NWD2: variants seen among roughly 807,000 people sequenced by gnomAD.
NWD2 encodes NACHT and WD repeat domain-containing protein 2.
NWD2 carries 37 observed loss-of-function variants against 132.7 expected under a neutral mutation model. The ratio of observed to expected loss-of-function variants is 0.28; its 90% confidence interval spans 0.21 to 0.37. NWD2 has a LOEUF of 0.37. Among genes scored for constraint, NWD2 ranks in the 10% least tolerant of loss-of-function variants. The pLI is 1.00. For synonymous variants in NWD2, 705 were observed against 803.0 expected (o/e 0.88, Z 2.06); for missense variants, 1,592 against 2,122.4 (o/e 0.75, Z 4.91).
chr4:37,333,774 C>G (rs1348565224), intron 2 of NWD2, among the ~76,000 whole-genome samples: 1 of 152,016 alleles, frequency 6.6e-6, no homozygotes, highest in Non-Finnish European at 1.5e-5. Context: ...AACTTTCAAA[C>G]AGTGAATTAA....
chr4:37,409,553 G>A (rs535392589), intron 3 of NWD2, among the ~76,000 whole-genome samples: 1 of 152,068 alleles, frequency 6.6e-6, no homozygotes, highest in Non-Finnish European at 1.5e-5. Flanking sequence ...TGAAAGTGAC[G>A]AGAAGGGAAG....
At chr4:37,389,068 A>G (rs1017785646) in intron 3 of NWD2, among the ~76,000 whole-genome samples, 1 of 152,232 alleles carries the variant, frequency 6.6e-6, no homozygotes, top group Admixed American at 6.5e-5. Flanking sequence ...CTGCAATGAC[A>G]GATGATCAAG....
At chr4:37,327,197 G>A (rs374055949) in intron 2 of NWD2, among the ~76,000 whole-genome samples, 1 of 152,114 alleles carries the variant, frequency 6.6e-6, no homozygotes, top group East Asian at 1.9e-4. Flanking sequence ...AGGAAGAAAT[G>A]TGTCCAAGCA....
chr4:37,319,187 T>C (rs1719020849), intron 1 of NWD2, among the ~76,000 whole-genome samples: 1 of 152,160 alleles, frequency 6.6e-6, no homozygotes, highest in Admixed American at 6.5e-5. Context: ...TGGTATGAGA[T>C]GGCATCTTTG....
At chr4:37,343,503 C>G (rs1719571705) in intron 2 of NWD2, among the ~76,000 whole-genome samples, 1 of 152,132 alleles carries the variant, frequency 6.6e-6, no homozygotes, top group African/African-American at 2.4e-5. Context: ...AAACAAAATT[C>G]AAGTACAAAG....
At chr4:37,442,089 C>T (rs567296448) in intron 6 of NWD2, among the ~76,000 whole-genome samples, 5 of 152,152 alleles carry the variant, frequency 3.3e-5, no homozygotes, top group African/African-American at 4.8e-5. Context: ...ACAACAGCAA[C>T]GAAATGTTTA....
intron 3 of NWD2, among the ~76,000 whole-genome samples, chr4:37,360,822 GA>G (rs1382791460): frequency 6.6e-6 from 1 of 152,178 alleles, no homozygotes; most frequent in East Asian, 1.9e-4. Flanking sequence ...TTATAGGGAA[GA>G]GGGGGTTTTC....
At chr4:37,365,875 A>G (rs1577680713) in intron 3 of NWD2, among the ~76,000 whole-genome samples, 1 of 152,226 alleles carries the variant, frequency 6.6e-6, no homozygotes, top group African/African-American at 2.4e-5. Flanking sequence ...ACGGGAGAGT[A>G]CTCAGTCTCT....
At chr4:37,435,781 A>G (rs1490123172) in intron 5 of NWD2, among the ~76,000 whole-genome samples, 1 of 152,052 alleles carries the variant, frequency 6.6e-6, no homozygotes, top group African/African-American at 2.4e-5. Flanking sequence ...GTGAGCCACT[A>G]CAAGTGGAGT....
chr4:37,318,897 G>T (rs1719013289), intron 1 of NWD2, among the ~76,000 whole-genome samples: 1 of 152,120 alleles, frequency 6.6e-6, no homozygotes, highest in African/African-American at 2.4e-5. Context: ...CACCTAGGCT[G>T]ATTCCATGTC....
At chr4:37,287,145 A>G (rs564528787) in intron 1 of NWD2, among the ~76,000 whole-genome samples, 10 of 152,284 alleles carry the variant, frequency 6.6e-5, no homozygotes, top group Non-Finnish European at 8.8e-5. Context: ...TGCTTTTTCC[A>G]TGGAACTGTG....
At chr4:37,282,657 A>C (rs1718151578) in intron 1 of NWD2, among the ~76,000 whole-genome samples, 1 of 152,104 alleles carries the variant, frequency 6.6e-6, no homozygotes, top group South Asian at 2.1e-4. Flanking sequence ...TGCTCCGAGA[A>C]CCTACCTCTA....
At chr4:37,348,675 T>TATATATATAC (rs1308407988) in intron 2 of NWD2, among the ~76,000 whole-genome samples, 37 of 22,568 alleles carry the variant, frequency 1.6e-3, no homozygotes, top group Non-Finnish European at 1.8e-3. Context: ...TATATATATA[T>TATATATATAC]ACACACACAC....
intron 3 of NWD2, among the ~76,000 whole-genome samples, chr4:37,371,026 A>G (rs1176493609): frequency 6.6e-6 from 1 of 151,724 alleles, no homozygotes; most frequent in Admixed American, 6.6e-5. Context: ...AGGAGGTTAA[A>G]CTTACAGAAG....
chr4:37,409,879 A>T (rs1325378014), intron 3 of NWD2, among the ~76,000 whole-genome samples: 1 of 152,208 alleles, frequency 6.6e-6, no homozygotes, highest in African/African-American at 2.4e-5. Context: ...AGAATTTTCA[A>T]CCCAGAATTT....
chr4:37,376,225 T>C (rs1006971414), intron 3 of NWD2, among the ~76,000 whole-genome samples: 1 of 152,240 alleles, frequency 6.6e-6, no homozygotes, highest in Non-Finnish European at 1.5e-5. Context: ...GATTTTGCAA[T>C]ATGTGTTTCT....
At chr4:37,381,545 A>G (rs1417077985) in intron 3 of NWD2, among the ~76,000 whole-genome samples, 3 of 152,144 alleles carry the variant, frequency 2.0e-5, no homozygotes, top group African/African-American at 4.8e-5. Flanking sequence ...AGAGCCCACT[A>G]CTGCTGCTTT....
Position 37,336,952 on chromosome 4 carries a change from G to GAAAA in NWD2, c.240+10944_240+10947dup, listed in dbSNP as rs11371327. ...AGAGTGAAACTCCATCTCAAAAAAA[G>GAAAA]AAAAAAAAAAAAAAAAAAACAAGAA... On this transcript the variant is annotated intron_variant, in intron 2 of 6. Transcript: ENST00000309447. 4.5e-4 allele frequency among the ~76,000 whole-genome samples: 53 copies of GAAAA among 119,006 alleles called. 2 individuals are homozygous for GAAAA. Among genetic ancestry groups the GAAAA allele is most frequent in the Admixed American group, 9.2e-4 (10 of 10,868 alleles). The allele number at this position is 119,006 out of a possible 152,430, so 78.1% of individuals were successfully genotyped here.
intron 1 of NWD2, among the ~76,000 whole-genome samples, chr4:37,277,466 T>C (rs1718043872): frequency 6.6e-6 from 1 of 152,088 alleles, no homozygotes; most frequent in South Asian, 2.1e-4. Flanking sequence ...ATCTTGGCTC[T>C]TCAGATTGAA....
Sources: gnomAD v4.1 joint callset for allele counts (sites outside exome capture counted in the v4.1 genomes callset) on GRCh38, gnomAD v4.1.1 for gene constraint, MANE v1.5 for transcripts, NCBI Gene and HGNC (gene_info 2026-07-23, HGNC 2026-07-21) for gene names.